The following NRXN3 variants were observed in gnomAD, a reference collection of about 807,000 sequenced individuals.
NRXN3 encodes the protein neurexin III.
In NRXN3, 32 loss-of-function variants were observed where a neutral mutation model predicts 137.6. That is an observed-to-expected ratio of 0.23 (90% CI 0.18 to 0.31). NRXN3 has a LOEUF of 0.31. Among genes scored for constraint, NRXN3 ranks in the 10% least tolerant of loss-of-function variants. The pLI is 1.00. For missense variants in NRXN3, 1,574 were observed against 2,062.5 expected, an observed-to-expected ratio of 0.76 and a Z score of 4.59; for synonymous variants, 798 against 784.5, an observed-to-expected ratio of 1.02 and a Z score of -0.29.
intron 15 of NRXN3, among the ~76,000 whole-genome samples, chr14:79,245,134 G>C (rs1332507777): frequency 1.3e-5 from 2 of 152,002 alleles, no homozygotes; most frequent in East Asian, 1.9e-4. Flanking sequence ...CATCTCACAG[G>C]GTTCCTAATA....
rs1235127870 is a variant in NRXN3, at chr14:79,754,539, T to C, written c.4015-50573T>C. 8.8e-4 allele frequency among the ~76,000 whole-genome samples: 85 copies of C among 97,014 alleles called. 2 individuals carry two copies. Among genetic ancestry groups the C allele is most frequent in the Middle Eastern group, 4.7e-3 (1 of 212 alleles). The allele number at this position is 97,014 out of a possible 152,430, so 63.6% of individuals were successfully genotyped here. On this transcript the variant is annotated intron_variant, in intron 19 of 20. Coordinates refer to ENST00000335750, the MANE Select transcript of NRXN3 (RefSeq NM_001330195.2). ...ATATATATATATATATATATATATA[T>C]ATATATATATATATATATATATATG...
intron 15 of NRXN3, among the ~76,000 whole-genome samples, chr14:79,355,289 A>G (rs1599073728): frequency 7.2e-6 from 1 of 138,254 alleles, no homozygotes; most frequent in African/African-American, 2.9e-5. Flanking sequence ...CTGTCCCTCC[A>G]ACTCTTCTTC....
At chr14:79,060,139 A>C (rs916574161) in intron 15 of NRXN3, among the ~76,000 whole-genome samples, 1 of 152,230 alleles carries the variant, frequency 6.6e-6, no homozygotes, top group Non-Finnish European at 1.5e-5. Context: ...CCAGGACTTT[A>C]GTGCCTCTTG....
At chr14:79,436,910 C>T (rs2095854116) in intron 15 of NRXN3, among the ~76,000 whole-genome samples, 1 of 152,164 alleles carries the variant, frequency 6.6e-6, no homozygotes, top group Non-Finnish European at 1.5e-5. Flanking sequence ...CAACACCTCC[C>T]ACTGCCTCTC....
chr14:79,347,053 A>G (rs1031673541), intron 15 of NRXN3, among the ~76,000 whole-genome samples: 1 of 152,168 alleles, frequency 6.6e-6, no homozygotes, highest in Non-Finnish European at 1.5e-5. Flanking sequence ...AGTTGGAGCA[A>G]AACTCTTGAG....
At chr14:79,717,649 C>T (rs764656443) in intron 19 of NRXN3, among the ~76,000 whole-genome samples, 16 of 152,104 alleles carry the variant, frequency 1.1e-4, no homozygotes, top group African/African-American at 3.4e-4. Flanking sequence ...AATAATGCTC[C>T]GTGGGCTCTT....
intron 15 of NRXN3, among the ~76,000 whole-genome samples, chr14:79,336,736 C>CTATG (rs1166978864): frequency 6.6e-6 from 1 of 152,180 alleles, no homozygotes; most frequent in Non-Finnish European, 1.5e-5. Context: ...ATCACCTGTG[C>CTATG]TATGACTCTT....
chr14:78,603,869 A>G (rs181869996), intron 4 of NRXN3, among the ~76,000 whole-genome samples: 1 of 152,166 alleles, frequency 6.6e-6, no homozygotes, highest in African/African-American at 2.4e-5. Context: ...ACAGTTATGA[A>G]AATAAGAATT....
At chr14:79,122,577 C>A (rs1568350735) in intron 15 of NRXN3, among the ~76,000 whole-genome samples, 1 of 152,062 alleles carries the variant, frequency 6.6e-6, no homozygotes, top group South Asian at 2.1e-4. Flanking sequence ...AAAATAAATA[C>A]CTCTGTTAAG....
chr14:78,462,373 G>A (rs1346046243), intron 4 of NRXN3, among the ~76,000 whole-genome samples: 1 of 152,110 alleles, frequency 6.6e-6, no homozygotes. Context: ...CTGTGTTTAT[G>A]GGTTTGCTCT....
chr14:78,614,002 T>A lies in NRXN3; in HGVS notation c.758-31118T>A, dbSNP rs186953138. On this transcript the variant is annotated intron_variant, in intron 4 of 20. Transcript: ENST00000335750. ...TCATGAAGATCATACAATTTTAGACTCTTTGGGTTGGTTGTAGCTTAGAGA... is the reference window on the plus strand; with the variant it reads ...TCATGAAGATCATACAATTTTAGACACTTTGGGTTGGTTGTAGCTTAGAGA... Among the ~76,000 whole-genome samples the A allele has an allele frequency of 3.5e-3, 533 of 152,300 alleles. 3 individuals carry two copies. The highest frequency in any genetic ancestry group is 7.0e-3 in the South Asian group (34 of 4,826).
At chr14:78,806,926 C>T (rs2098874815) in intron 9 of NRXN3, among the ~76,000 whole-genome samples, 1 of 152,096 alleles carries the variant, frequency 6.6e-6, no homozygotes, top group Non-Finnish European at 1.5e-5. Flanking sequence ...TGTTTTTATG[C>T]TTACTTTTAC....
At chr14:79,402,560 T>A (rs756180936) in intron 15 of NRXN3, among the ~76,000 whole-genome samples, 5 of 152,186 alleles carry the variant, frequency 3.3e-5, no homozygotes, top group Non-Finnish European at 7.3e-5. Context: ...TAAATGTAAA[T>A]GCAATTTTAC....
In NRXN3 at chr14:78,243,505, C is replaced by A. The variant is rs770919968; in HGVS notation, c.412C>A (p.Arg138=). 1.9e-6 allele frequency: 3 copies of A among 1,593,436 alleles called. No individual in the cohort carries two copies. The highest frequency in any genetic ancestry group is 2.7e-5 in the African/African-American group (2 of 74,976). The change falls in exon 2 of 21, where the codon CGG becomes AGG. Residue 138 remains arginine (R), a synonymous_variant. Coordinates refer to ENST00000335750, the MANE Select transcript of NRXN3 (RefSeq NM_001330195.2). The surrounding 1 kb of genome is among the most constrained non-coding windows in gnomAD (Gnocchi z 4.2). ...CCAGTCTGGGGAGCTGCAGCCCCAG[C>A]GGCCCTACATGGATGTGGTCAGTGA... ...EGQSGELQPQ[R]PYMDVVSDLF...
rs1344951623 is a variant in NRXN3 at position 79,648,207 on chromosome 14, AAC to A, written c.3445-15569_3445-15568del. Among the ~76,000 whole-genome samples, 63 of 134,248 alleles carry A rather than the reference AAC, an allele frequency of 4.7e-4. 16 individuals carry two copies. Among genetic ancestry groups the A allele is most frequent in the Non-Finnish European group, 7.8e-4 (45 of 57,844 alleles). 88.1% of individuals were successfully genotyped at this position (134,248 alleles called of 152,430 possible). The stretch of plus-strand genomic sequence containing the variant: ...TACAAAACAAACAAACAAACAAACA[AAC>A]AAAAAACAGAAAACTTGATGATAAA... On this transcript the variant is annotated intron_variant, in intron 16 of 20. Coordinates refer to ENST00000335750, the MANE Select transcript of NRXN3 (RefSeq NM_001330195.2).
intron 4 of NRXN3, among the ~76,000 whole-genome samples, chr14:78,467,442 A>G (rs887927438): frequency 2.6e-5 from 4 of 152,232 alleles, no homozygotes; most frequent in African/African-American, 9.6e-5. Flanking sequence ...CCCATTTGTA[A>G]TCAATATGAA....
At chr14:79,531,642 A>T (rs1265198200) in intron 16 of NRXN3, among the ~76,000 whole-genome samples, 1 of 152,218 alleles carries the variant, frequency 6.6e-6, no homozygotes, top group African/African-American at 2.4e-5. Flanking sequence ...ATTATAAGAT[A>T]GTGTATGTCT....
At chr14:78,893,275 T>C (rs190394771) in intron 10 of NRXN3, among the ~76,000 whole-genome samples, 33 of 152,146 alleles carry the variant, frequency 2.2e-4, no homozygotes, top group Middle Eastern at 3.4e-3. Context: ...CAAGAGCAGG[T>C]GGATGAGTTG....
intron 15 of NRXN3, among the ~76,000 whole-genome samples, chr14:79,355,260 C>CG (rs1566892990): frequency 6.6e-6 from 1 of 150,522 alleles, no homozygotes; most frequent in African/African-American, 2.5e-5. Flanking sequence ...TCCCCCACCC[C>CG]CTTCCTTCCC....
Sources: gnomAD v4.1 joint callset for allele counts (sites outside exome capture counted in the v4.1 genomes callset) on GRCh38, gnomAD v4.1.1 for gene constraint, Gnocchi (gnomAD v3.1) non-coding constraint, MANE v1.5 for transcripts, NCBI Gene and HGNC (gene_info 2026-07-23, HGNC 2026-07-21) for gene names.